Variants in POMGNT1 observed in about 807,000 individuals in gnomAD.
POMGNT1 encodes protein O-linked-mannose beta-1,2-N-acetylglucosaminyltransferase 1.
A neutral mutation model predicts 95.6 loss-of-function variants in POMGNT1; 67 were observed. That is an observed-to-expected ratio of 0.70 (90% CI 0.58 to 0.86). The LOEUF (loss-of-function observed/expected upper bound fraction) is 0.86. Ranked by LOEUF, POMGNT1 falls within the 40% of genes least tolerant of loss-of-function variation. POMGNT1 has a pLI of 0.00. For missense variants in POMGNT1, 719 were observed against 855.2 expected (o/e 0.84, Z 1.99); for synonymous variants, 298 against 317.9 (o/e 0.94, Z 0.66).
At chr1:46,209,043 G>T (rs1419297699) in intron 1 of POMGNT1, among the ~76,000 whole-genome samples, 2 of 152,002 alleles carry the variant, frequency 1.3e-5, no homozygotes, top group African/African-American at 4.8e-5. Context: ...ATTTTGTGGG[G>T]GATAGAGTTT....
At chr1:46,195,044 CT>C in intron 6 of POMGNT1, 83 bp from the exon 7 acceptor site, 1 of 1,233,128 alleles carries the variant, frequency 8.1e-7, no homozygotes, top group Non-Finnish European at 1.2e-6. Context: ...ATGTAGCAAC[CT>C]TTTACTTAAA....
chr1:46,197,635 C>T, intron 2 of POMGNT1, 67 bp downstream of exon 2: 2 of 1,606,872 alleles, frequency 1.2e-6, no homozygotes, highest in Non-Finnish European at 1.7e-6. Flanking sequence ...GGTCCCAGTG[C>T]CTGATTTAGG....
At chr1:46,216,724 C>T (rs147593000) in intron 1 of POMGNT1, among the ~76,000 whole-genome samples, 33 of 152,274 alleles carry the variant, frequency 2.2e-4, no homozygotes, top group African/African-American at 7.9e-4. Flanking sequence ...ATTTGGGATA[C>T]TGTTGAACCC....
chr1:46,216,513 T>A (rs889065279), intron 1 of POMGNT1, among the ~76,000 whole-genome samples: 11 of 152,206 alleles, frequency 7.2e-5, no homozygotes, highest in Non-Finnish European at 1.2e-4. Context: ...GACTAATTTT[T>A]AAATTTTTTG....
intron 1 of POMGNT1, among the ~76,000 whole-genome samples, chr1:46,212,582 A>C (rs780642951): frequency 6.7e-6 from 1 of 149,142 alleles, no homozygotes; most frequent in Non-Finnish European, 1.5e-5. Flanking sequence ...CACCCGGCCA[A>C]ATTTTTTTTT....
chr1:46,195,664 A>G (rs1403246712), intron 6 of POMGNT1, 147 bp downstream of exon 6: 6 of 784,936 alleles, frequency 7.6e-6, no homozygotes, highest in Non-Finnish European at 1.3e-5. Flanking sequence ...TGCTGAATTA[A>G]TACAAATGTT....
At chr1:46,191,879 C>T in intron 17 of POMGNT1, 2 of 564,104 alleles carry the variant, frequency 3.5e-6, no homozygotes, top group Admixed American at 2.7e-5. Flanking sequence ...TGTGATCCAC[C>T]CGCATCGGCC....
upstream of POMGNT1, chr1:46,203,309 C>A (rs1299615646): frequency 4.0e-6 from 3 of 754,038 alleles, no homozygotes; most frequent in East Asian, 3.3e-5. Context: ...CTCCCGCCCC[C>A]GCGCCGCGCG....
chr1:46,215,869 C>T (rs1175378024), intron 1 of POMGNT1, among the ~76,000 whole-genome samples: 2 of 152,236 alleles, frequency 1.3e-5, no homozygotes, highest in African/African-American at 2.4e-5. Context: ...CACTGCACTC[C>T]AGCCTGGGCT....
chr1:46,219,909 G>A (rs201962542), exon 1 of POMGNT1: 41 of 1,614,070 alleles, frequency 2.5e-5, no homozygotes, highest in Admixed American at 1.3e-4. Context: ...CAGCACCACC[G>A]ACCGGCTGGA....
chr1:46,193,152 G>A lies in POMGNT1; in HGVS notation c.1152+22C>T, dbSNP rs771581880. On this transcript the variant is annotated intron_variant, in intron 13 of 21. Transcript: ENST00000371984. ...CATGTTTCCCCCCTCCCAGGCCCAAGAGTTGTATCCTTAGTACTCACCGGA... is the reference window on the plus strand; with the variant it reads ...CATGTTTCCCCCCTCCCAGGCCCAAAAGTTGTATCCTTAGTACTCACCGGA... 4 of 1,614,110 alleles carry A rather than the reference G, an allele frequency of 2.5e-6. No individual in the cohort carries two copies. In the South Asian group the frequency reaches 4.4e-5, roughly 18 times the overall value.
At chr1:46,202,468 G>A (rs949459995), upstream of POMGNT1, among the ~76,000 whole-genome samples, 3 of 151,862 alleles carry the variant, frequency 2.0e-5, no homozygotes, top group Non-Finnish European at 4.4e-5. Context: ...CAAGGCAGGC[G>A]GATCACTTGA....
upstream of POMGNT1, among the ~76,000 whole-genome samples, chr1:46,199,941 G>A (rs1476516630): frequency 2.0e-5 from 3 of 152,144 alleles, no homozygotes; most frequent in East Asian, 1.9e-4. Flanking sequence ...AGGCCGAGGT[G>A]GGGTGGTCAG....
chr1:46,193,248 T>C (rs1657933482), intron 12 of POMGNT1, 33 bp from the exon 13 acceptor site: 1 of 1,614,052 alleles, frequency 6.2e-7, no homozygotes, highest in Non-Finnish European at 8.5e-7. Context: ...GCACATGAGC[T>C]TTAGGGTAGA....
rs6659553 is a variant in POMGNT1 at position 46,189,486 on chromosome 1, T to C, written c.1867A>G (p.Met623Val). Residue 623 changes from methionine (M) to valine (V), a missense_variant, in exon 21 of 22, where the codon ATG (methionine) becomes GTG (valine). Physicochemically the swap from Met to Val is conservative, Grantham distance 21. This residue lies in a region of POMGNT1 where 130 missense variants were observed against 149.2 expected (regional missense o/e 0.87). Coordinates refer to ENST00000371984, the MANE Select transcript of POMGNT1 (RefSeq NM_017739.4). ...RLFRKKNHFL[M>V]VGVPASPYSV... ...TAGGGGGAAGCCGGGACCCCCACCA[T>C]CAGGAAGTGGTTCTTCTTCCGAAAC... The C allele has an allele frequency of 0.99, 1,598,025 of 1,613,718 alleles. 792,524 individuals carry two copies. The highest frequency in any genetic ancestry group is 1 in the East Asian group (44,882 of 44,882).
rs1423194496 is a variant in POMGNT1 at position 46,196,308 on chromosome 1, G to C, written c.355-231C>G. Reference sequence around the variant, plus strand: ...CAACCCTCCCCTCCATGACTTTCATGGCTCTTAGAGCCTCTGCTGTCTCTG... The same window carrying C: ...CAACCCTCCCCTCCATGACTTTCATCGCTCTTAGAGCCTCTGCTGTCTCTG... On this transcript the variant is annotated intron_variant, in intron 4 of 21. Coordinates refer to ENST00000371984, the MANE Select transcript of POMGNT1 (RefSeq NM_017739.4). The surrounding 1 kb of genome is among the most constrained non-coding windows in gnomAD (Gnocchi z 4.4). Among the ~76,000 whole-genome samples, 1 of 152,166 alleles carries C rather than the reference G, an allele frequency of 6.6e-6. No individual in the cohort carries two copies. The highest frequency in any genetic ancestry group is 1.5e-5 in the Non-Finnish European group (1 of 68,034).
chr1:46,194,660 A>T lies in POMGNT1; in HGVS notation c.653-9T>A, dbSNP rs1420845875. The T allele has an allele frequency of 1.9e-6, 3 of 1,613,972 alleles. No homozygotes were observed. In the South Asian group the frequency reaches 3.3e-5, roughly 18 times the overall value. ...CTCCCCGAAGACAGGACCTGGCAGGAGGCAGGAATGAGGGCCATGGGGGCC... is the reference window on the plus strand; with the variant it reads ...CTCCCCGAAGACAGGACCTGGCAGGTGGCAGGAATGAGGGCCATGGGGGCC... On this transcript the variant is annotated splice_polypyrimidine_tract_variant and intron_variant, in intron 7 of 21. Transcript: ENST00000371984.
In POMGNT1 at chr1:46,189,961, T is replaced by C. The variant is rs2148167622; in HGVS notation, c.1678A>G (p.Asn560Asp). ...SEAEVLDHSK[N>D]PCEDSFLPDT... is the part of the protein sequence containing the mutation. ...GGCAGGAAAGAGTCTTCACAAGGGT[T>C]CTTGCTGTGGTCCAGAACCTCAGCC... The change falls in exon 20 of 22, where the codon AAC becomes GAC. Residue 560 changes from asparagine (N) to aspartate (D), a missense_variant. Around this residue, in one of 5 missense-constraint regions of POMGNT1, gnomAD observed 130 missense variants for 149.2 expected, o/e 0.87. Coordinates refer to ENST00000371984, the MANE Select transcript of POMGNT1 (RefSeq NM_017739.4). 1 of 1,614,142 alleles carries C rather than the reference T, an allele frequency of 6.2e-7. No homozygotes were observed. Among genetic ancestry groups the C allele is most frequent in the African/African-American group, 1.3e-5 (1 of 75,042 alleles).
rs746151825 is a variant in POMGNT1 at position 46,196,037 on chromosome 1, T to C, written c.395A>G (p.His132Arg). The C allele has an allele frequency of 1.9e-6, 3 of 1,614,016 alleles. No individual in the cohort carries two copies. The South Asian group carries it at 3.3e-5, about 18-fold the overall frequency. The change falls in exon 5 of 22, where the codon CAT (histidine) becomes CGT (arginine). Residue 132 changes from histidine to arginine, a missense_variant. Around this residue, in one of 5 missense-constraint regions of POMGNT1, gnomAD observed 466 missense variants for 517.4 expected, o/e 0.90. Transcript: ENST00000371984. This position sits in a 1 kb window ranked among gnomAD's most constrained non-coding sequence, Gnocchi z 4.4. ...DEAREQGRGI[H>R]VIVLNQATGH... ...CGTGGCCTGGTTGAGGACAATGACA[T>C]GGATGCCCCGGCCCTGCTCCCGGGC...
Sources: allele counts gnomAD v4.1 joint callset (sites outside exome capture counted in the v4.1 genomes callset), GRCh38; gene constraint gnomAD v4.1.1; regional missense constraint gnomAD v4.1.1; non-coding constraint Gnocchi (gnomAD v3.1); transcripts MANE v1.5; gene names NCBI Gene and HGNC (gene_info 2026-07-23, HGNC 2026-07-21).